The following DOCK1 variants were observed in gnomAD, a reference collection of about 807,000 sequenced individuals.
DOCK1 encodes dedicator of cytokinesis 1, also known as dedicator of cytokinesis protein 1.
Under a neutral mutation model 262.7 loss-of-function variants are expected in DOCK1, and 138 were observed. The observed-to-expected ratio is 0.53, with a 90% confidence interval of 0.46 to 0.61. The LOEUF (loss-of-function observed/expected upper bound fraction) is 0.61. DOCK1 is among the 20% of genes least tolerant of loss of function. DOCK1 has a pLI of 0.00. For synonymous variants in DOCK1, 866 were observed against 867.4 expected, an observed-to-expected ratio of 1.00 and a Z score of 0.03; for missense variants, 1,908 against 2,370.7, an observed-to-expected ratio of 0.80 and a Z score of 4.05.
intron 29 of DOCK1, among the ~76,000 whole-genome samples, chr10:127,325,960 T>C (rs1036346264): frequency 1.3e-5 from 2 of 152,208 alleles, no homozygotes; most frequent in Non-Finnish European, 2.9e-5. Flanking sequence ...TGCATATATG[T>C]TATGTTTACA....
At chr10:127,450,850 G>A (rs2070913196) in intron 51 of DOCK1, among the ~76,000 whole-genome samples, 2 of 152,226 alleles carry the variant, frequency 1.3e-5, no homozygotes, top group South Asian at 4.1e-4. Context: ...CCACACCAGT[G>A]GCATTGAGTG....
chr10:127,116,462 G>C (rs1482816719), intron 25 of DOCK1, among the ~76,000 whole-genome samples: 2 of 152,026 alleles, frequency 1.3e-5, no homozygotes, highest in Admixed American at 6.5e-5. Context: ...ACTGGGACTA[G>C]CTATTAGGAA....
chr10:127,048,980 G>A (rs1375719159), intron 21 of DOCK1, among the ~76,000 whole-genome samples: 2 of 152,148 alleles, frequency 1.3e-5, no homozygotes, highest in Non-Finnish European at 2.9e-5. Flanking sequence ...TACTATATCT[G>A]TTTATTATTG....
At chr10:127,247,059 G>A (rs1221555926) in intron 27 of DOCK1, among the ~76,000 whole-genome samples, 1 of 152,164 alleles carries the variant, frequency 6.6e-6, no homozygotes, top group Non-Finnish European at 1.5e-5. Flanking sequence ...GTGAGCAATT[G>A]CAGTTAATGG....
intron 29 of DOCK1, among the ~76,000 whole-genome samples, chr10:127,294,907 G>A (rs1590316492): frequency 6.6e-6 from 1 of 152,054 alleles, no homozygotes. Context: ...CTCCCAAAGT[G>A]TCAGGATTAC....
At chr10:127,385,022 G>C (rs2066028992) in intron 38 of DOCK1, 113 bp downstream of exon 38, 1 of 1,301,328 alleles carries the variant, frequency 7.7e-7, no homozygotes, top group South Asian at 2.1e-5. Context: ...TTTGTTACAA[G>C]TTGTATATTG....
At chr10:127,049,561 T>TAGA (rs1356724933) in intron 21 of DOCK1, among the ~76,000 whole-genome samples, 1 of 152,050 alleles carries the variant, frequency 6.6e-6, no homozygotes, top group South Asian at 2.1e-4. Context: ...AATTTACTGG[T>TAGA]AGATGACTGA....
intron 27 of DOCK1, among the ~76,000 whole-genome samples, chr10:127,206,136 CTTTTTTTTTTTTTT>C (rs34450374): frequency 1.3e-5 from 1 of 78,622 alleles, no homozygotes; most frequent in Non-Finnish European, 2.2e-5. Flanking sequence ...TTCTTCTTCT[CTTTTTTTTTTTTTT>C]TTTTTTTTTT....
intron 29 of DOCK1, among the ~76,000 whole-genome samples, chr10:127,324,412 A>T (rs1478433299): frequency 3.9e-5 from 6 of 152,202 alleles, no homozygotes; most frequent in Non-Finnish European, 7.3e-5. Context: ...GATGGAGAAG[A>T]CAGCCTCTGG....
intron 1 of DOCK1, among the ~76,000 whole-genome samples, chr10:126,966,134 C>G (rs1441433930): frequency 6.6e-6 from 1 of 152,092 alleles, no homozygotes; most frequent in Non-Finnish European, 1.5e-5. Flanking sequence ...CTTTCTGTTC[C>G]TATCATATTT....
intron 1 of DOCK1, 94 bp from the exon 2 acceptor site, chr10:126,970,608 T>G: frequency 2.1e-6 from 2 of 943,318 alleles, no homozygotes; most frequent in Non-Finnish European, 3.3e-6. Flanking sequence ...TATTTCAATA[T>G]TAAAAACAAC....
intron 11 of DOCK1, among the ~76,000 whole-genome samples, chr10:127,010,568 G>A (rs950715270): frequency 2.0e-5 from 3 of 152,166 alleles, no homozygotes; most frequent in Non-Finnish European, 4.4e-5. Flanking sequence ...CAGTGGCCCC[G>A]TCCTGGGCAG....
intron 27 of DOCK1, chr10:127,135,462 A>G (rs2050608791): frequency 6.5e-6 from 1 of 152,688 alleles, no homozygotes; most frequent in Non-Finnish European, 1.5e-5. Context: ...AAATTAATAA[A>G]GAACTTAACG....
chr10:127,175,460 C>G lies in DOCK1; in HGVS notation c.2847+47696C>G, dbSNP rs2055004263. ...GCTCACTACATTCGGGGGACAGGCA[C>G]TGCATCGGGGGTGAGCAGGCCAGGG... On this transcript the variant is annotated intron_variant, in intron 27 of 51. Transcript: ENST00000623213. This position sits in a 1 kb window ranked among gnomAD's most constrained non-coding sequence, Gnocchi z 6.3. 1 of 1,610,762 alleles carries G rather than the reference C, an allele frequency of 6.2e-7. No individual in the cohort carries two copies. The highest frequency in any genetic ancestry group is 1.3e-5 in the African/African-American group (1 of 74,938).
chr10:127,067,977 C>A (rs2045975614), intron 23 of DOCK1, among the ~76,000 whole-genome samples: 1 of 152,016 alleles, frequency 6.6e-6, no homozygotes, highest in South Asian at 2.1e-4. Flanking sequence ...CCTTCTGGGG[C>A]ACTGTCCCCA....
rs1333893539 is a variant in DOCK1 at position 127,175,674 on chromosome 10, G to A, written c.2847+47910G>A. 6.2e-7 allele frequency: 1 copy of A among 1,613,766 alleles called. No individual in the cohort carries two copies. Among genetic ancestry groups the A allele is most frequent in the Non-Finnish European group, 8.5e-7 (1 of 1,179,988 alleles). On this transcript the variant is annotated intron_variant, in intron 27 of 51. Coordinates refer to ENST00000623213, the MANE Select transcript of DOCK1 (RefSeq NM_001290223.2). This position sits in a 1 kb window ranked among gnomAD's most constrained non-coding sequence, Gnocchi z 6.3. ...AAACACCCTCCTGAGGGCAGGTGGA[G>A]CGGGCTCCTCGGAGTTTGGCCTCCC...
intron 24 of DOCK1, among the ~76,000 whole-genome samples, chr10:127,106,769 C>G (rs1442194558): frequency 6.6e-6 from 1 of 151,984 alleles, no homozygotes; most frequent in Non-Finnish European, 1.5e-5. Context: ...TTAGAAAACC[C>G]CACAAACAAA....
chr10:127,371,198 A>G (rs895042038), intron 33 of DOCK1, among the ~76,000 whole-genome samples: 1 of 152,274 alleles, frequency 6.6e-6, no homozygotes, highest in Non-Finnish European at 1.5e-5. Flanking sequence ...AGTGTATTCT[A>G]TAAAAATGAA....
intron 27 of DOCK1, among the ~76,000 whole-genome samples, chr10:127,133,197 C>T (rs2050428647): frequency 6.6e-6 from 1 of 152,184 alleles, no homozygotes; most frequent in Admixed American, 6.5e-5. Context: ...CATGCTCCTT[C>T]ATTTGGAAAA....
Sources: gnomAD v4.1 joint callset for allele counts (sites outside exome capture counted in the v4.1 genomes callset) on GRCh38, gnomAD v4.1.1 for gene constraint, Gnocchi (gnomAD v3.1) non-coding constraint, MANE v1.5 for transcripts, NCBI Gene and HGNC (gene_info 2026-07-23, HGNC 2026-07-21) for gene names.